The following NUMB variants were observed in gnomAD, a reference collection of about 807,000 sequenced individuals.
NUMB encodes protein numb homolog.
NUMB carries 29 observed loss-of-function variants against 59.7 expected under a neutral mutation model. That is an observed-to-expected ratio of 0.49 (90% CI 0.36 to 0.66). The LOEUF (loss-of-function observed/expected upper bound fraction) is 0.66. Among genes scored for constraint, NUMB ranks in the 30% least tolerant of loss-of-function variants. NUMB has a pLI of 0.00. For missense variants in NUMB, 723 were observed against 822.0 expected (o/e 0.88, Z 1.47); for synonymous variants, 288 against 288.2 (o/e 1.00, Z 0.01).
intron 4 of NUMB, among the ~76,000 whole-genome samples, chr14:73,337,377 T>C (rs1047883528): frequency 6.6e-6 from 1 of 152,126 alleles, no homozygotes; most frequent in African/African-American, 2.4e-5. Flanking sequence ...GGTGCATGCC[T>C]GTAATCCCAG....
chr14:73,364,819 TTA>T (rs1469649705), intron 3 of NUMB, among the ~76,000 whole-genome samples: 3 of 151,964 alleles, frequency 2.0e-5, no homozygotes, highest in Non-Finnish European at 4.4e-5. Context: ...TTTATTTATT[TTA>T]GAGATGGGGT....
intron 1 of NUMB, among the ~76,000 whole-genome samples, chr14:73,444,625 A>AT (rs1451071130): frequency 6.6e-6 from 1 of 151,948 alleles, no homozygotes; most frequent in Non-Finnish European, 1.5e-5. Context: ...TTAGTCTACA[A>AT]TTTTTCTCTA....
chr14:73,350,205 G>T (rs532631689), intron 4 of NUMB, among the ~76,000 whole-genome samples: 1 of 137,174 alleles, frequency 7.3e-6, no homozygotes, highest in Non-Finnish European at 1.5e-5. Context: ...ATGGAGTCTC[G>T]GTCTATCACC....
At chr14:73,313,685 A>G (rs1890911870) in intron 6 of NUMB, among the ~76,000 whole-genome samples, 1 of 139,412 alleles carries the variant, frequency 7.2e-6, no homozygotes, top group Admixed American at 7.3e-5. Flanking sequence ...AAAAAAAAAA[A>G]TCCAAAATCC....
At chr14:73,353,072 G>GTTTTTGTTTTTTTTTT (rs71450219) in intron 4 of NUMB, among the ~76,000 whole-genome samples, 1 of 58,514 alleles carries the variant, frequency 1.7e-5, no homozygotes, top group Admixed American at 2.7e-4. Flanking sequence ...AGTTTTTCTT[G>GTTTTTGTTTTTTTTTT]TTTTTTTTTT....
At chr14:73,298,945 G>A (rs1226272865) in intron 6 of NUMB, 2 of 152,144 alleles carry the variant, frequency 1.3e-5, no homozygotes, top group Non-Finnish European at 2.9e-5. Context: ...TGAGAACAAG[G>A]TACAATGATG....
In NUMB at chr14:73,361,128, G is replaced by A. The variant is rs143805633; in HGVS notation, c.-15-5362C>T. Among the ~76,000 whole-genome samples the A allele has an allele frequency of 1.7e-3, 255 of 152,272 alleles. 6 individuals are homozygous for A. Among genetic ancestry groups the A allele is most frequent in the Middle Eastern group, 3.4e-3 (1 of 294 alleles). On this transcript the variant is annotated intron_variant, in intron 3 of 12. Transcript: ENST00000555238. ...TGGTTTTGAACTCCTGAGCTCAAGC[G>A]ACATGCCTGCCTCAGCTTCCAAAAG...
At position 73,287,174 on chromosome 14, in the gene NUMB, G is replaced by A. The variant is rs1354748443; in HGVS notation, c.591C>T (p.Val197=). The A allele has an allele frequency of 6.2e-7, 1 of 1,613,764 alleles. No homozygotes were observed. Among genetic ancestry groups the A allele is most frequent in the East Asian group, 2.2e-5 (1 of 44,842 alleles). Residue 197 remains valine, a synonymous_variant, in exon 9 of 13, where the codon GTC becomes GTT. Coordinates refer to ENST00000555238, the MANE Select transcript of NUMB (RefSeq NM_001005743.2). ...TTTCTGCTTGTTCAGTGGCTGTTGT[G>A]ACACGGAATGATCCTTCTCTTGTAA... ...TTFTREGSFR[V]TTATEQAERE...
chr14:73,370,304 T>C (rs1252590587), intron 2 of NUMB, among the ~76,000 whole-genome samples: 4 of 152,202 alleles, frequency 2.6e-5, no homozygotes, highest in African/African-American at 7.2e-5. Flanking sequence ...AGGAAATCTT[T>C]GAACTACCTA....
intron 2 of NUMB, among the ~76,000 whole-genome samples, chr14:73,382,349 G>A (rs1488752129): frequency 3.3e-5 from 5 of 151,760 alleles, no homozygotes; most frequent in South Asian, 2.1e-4. Context: ...GTTTTACCAT[G>A]TTGGCCAGGC....
chr14:73,387,732 C>CA (rs796888924), intron 2 of NUMB, among the ~76,000 whole-genome samples: 4,018 of 93,440 alleles, frequency 0.043, 95 homozygotes, highest in East Asian at 0.11. Context: ...TACCCAATCT[C>CA]AAAAAAAAAA....
rs35633693 is a variant in NUMB at position 73,438,630 on chromosome 14, C to CAA, written c.-233+19861_-233+19862dup. On this transcript the variant is annotated intron_variant, in intron 1 of 12. Transcript: ENST00000555238. ...TGGGCAAGACAGCAAGACTCTGCCT[C>CAA]AAAAAAAAAAAAAAAAAAAAAGTTT... is the stretch of plus-strand genomic sequence containing the variant. Among the ~76,000 whole-genome samples, 539 of 66,272 alleles carry CAA rather than the reference C, an allele frequency of 8.1e-3. 12 individuals are homozygous for CAA. The highest frequency in any genetic ancestry group is 9.3e-3 in the Middle Eastern group (1 of 108). The allele number at this position is 66,272 out of a possible 152,430, so 43.5% of individuals were successfully genotyped here.
chr14:73,322,148 G>C (rs1891437584), intron 5 of NUMB, among the ~76,000 whole-genome samples: 1 of 152,116 alleles, frequency 6.6e-6, no homozygotes, highest in African/African-American at 2.4e-5. Context: ...TAATGCTGTT[G>C]GGACCAGAGC....
At chr14:73,415,742 C>T (rs1176388329) in intron 1 of NUMB, among the ~76,000 whole-genome samples, 1 of 149,652 alleles carries the variant, frequency 6.7e-6, no homozygotes, top group Non-Finnish European at 1.5e-5. Context: ...GCTGGGATTA[C>T]AGGTGTGAGC....
intron 3 of NUMB, among the ~76,000 whole-genome samples, chr14:73,365,441 G>C (rs924478900): frequency 1.1e-4 from 17 of 152,128 alleles, no homozygotes; most frequent in Admixed American, 4.6e-4. Context: ...AGGACAGTAA[G>C]TCTCAATACC....
chr14:73,321,514 T>C (rs1891405005), intron 5 of NUMB, among the ~76,000 whole-genome samples: 1 of 152,184 alleles, frequency 6.6e-6, no homozygotes, highest in Non-Finnish European at 1.5e-5. Context: ...ACTGATATTT[T>C]GTTTATTATT....
At chr14:73,329,771 G>A (rs540221041) in intron 4 of NUMB, among the ~76,000 whole-genome samples, 2 of 152,184 alleles carry the variant, frequency 1.3e-5, no homozygotes, top group Non-Finnish European at 2.9e-5. Flanking sequence ...CACTGCACTT[G>A]TTACTTGACC....
At chr14:73,293,329 G>A (rs772261266) in intron 7 of NUMB, among the ~76,000 whole-genome samples, 11 of 151,264 alleles carry the variant, frequency 7.3e-5, no homozygotes, top group Non-Finnish European at 1.5e-4. Context: ...ATATATACCC[G>A]ATCCAGTGAA....
chr14:73,456,230 C>T (rs1389782783), intron 1 of NUMB, among the ~76,000 whole-genome samples: 1 of 152,140 alleles, frequency 6.6e-6, no homozygotes, highest in East Asian at 1.9e-4. Context: ...CAGCCTCAGC[C>T]TTCCAAGTAG....
Sources: gnomAD v4.1 joint callset for allele counts (sites outside exome capture counted in the v4.1 genomes callset) on GRCh38, gnomAD v4.1.1 for gene constraint, MANE v1.5 for transcripts, NCBI Gene and HGNC (gene_info 2026-07-23, HGNC 2026-07-21) for gene names.